Variants in SMC2 observed in about 807,000 individuals in gnomAD.
SMC2 encodes structural maintenance of chromosomes protein 2.
A neutral mutation model predicts 142.6 loss-of-function variants in SMC2; 41 were observed. That is an observed-to-expected ratio of 0.29 (90% CI 0.22 to 0.37). SMC2 has a LOEUF of 0.37. Among genes scored for constraint, SMC2 ranks in the 10% least tolerant of loss-of-function variants. SMC2 has a pLI of 1.00. For synonymous variants in SMC2, 463 were observed against 457.5 expected, an observed-to-expected ratio of 1.01 and a Z score of -0.15; for missense variants, 1,265 against 1,373.7, an observed-to-expected ratio of 0.92 and a Z score of 1.25.
chr9:104,101,579 G>T lies in SMC2; in HGVS notation c.637-381G>T, dbSNP rs115954010. 3.7e-3 allele frequency among the ~76,000 whole-genome samples: 564 copies of T among 152,182 alleles called. 4 individuals carry two copies. Among genetic ancestry groups the T allele is most frequent in the African/African-American group, 0.012 (510 of 41,544 alleles). The stretch of plus-strand genomic sequence containing the variant: ...CCTTATGGGAGTCGTGTTTAGTAAT[G>T]ATGTAAGCGAGTGCTTGTAGTAGTG... On this transcript the variant is annotated intron_variant, in intron 7 of 24. Coordinates refer to ENST00000374793, the MANE Select transcript of SMC2 (RefSeq NM_006444.3).
chr9:104,094,340 A>G lies in SMC2; in HGVS notation c.-199A>G. On this transcript the variant is annotated 5_prime_UTR_variant, in exon 1 of 25. Coordinates refer to ENST00000374793, the MANE Select transcript of SMC2 (RefSeq NM_006444.3). Reference sequence around the variant, plus strand: ...ATAAATAGTTCCGGCGCGGGTGTTGAGAGCGGTGTGGCAGGTGTTGTAGCC... The same window carrying G: ...ATAAATAGTTCCGGCGCGGGTGTTGGGAGCGGTGTGGCAGGTGTTGTAGCC... 1 of 398,762 alleles carries G rather than the reference A, an allele frequency of 2.5e-6. No homozygotes were observed. Among genetic ancestry groups the G allele is most frequent in the Non-Finnish European group, 4.4e-6 (1 of 226,204 alleles). The allele number at this position is 398,762 out of a possible 1,614,324, so 24.7% of individuals were successfully genotyped here. A position where few individuals can be genotyped will look rare whatever the true frequency, so the allele number is the denominator to read the frequency against.
chr9:104,113,797 T>G (rs1289897719), intron 11 of SMC2, among the ~76,000 whole-genome samples, 167 bp from the exon 12 acceptor site: 1 of 152,172 alleles, frequency 6.6e-6, no homozygotes, highest in Admixed American at 6.5e-5. Flanking sequence ...GGAAATAATG[T>G]CTGTTTGACA....
intron 9 of SMC2, 145 bp downstream of exon 9, chr9:104,102,718 A>T: frequency 1.4e-6 from 1 of 727,970 alleles, no homozygotes; most frequent in Non-Finnish European, 2.1e-6. Context: ...AACTGGACCA[A>T]ATGGTCAAAA....
chr9:104,126,318 GTT>G (rs1416668801), intron 18 of SMC2, among the ~76,000 whole-genome samples: 1 of 151,956 alleles, frequency 6.6e-6, no homozygotes, highest in Non-Finnish European at 1.5e-5. Flanking sequence ...GAACAATTTT[GTT>G]TTTAAAAAAG....
At chr9:104,131,874 G>T (rs1251159286) in intron 21 of SMC2, 135 bp from the exon 22 acceptor site, 6 of 568,564 alleles carry the variant, frequency 1.1e-5, no homozygotes, top group African/African-American at 5.7e-5. Context: ...AATTCTTAGT[G>T]CATTATATCT....
chr9:104,105,832 A>G (rs1831701781), intron 9 of SMC2, among the ~76,000 whole-genome samples: 2 of 152,180 alleles, frequency 1.3e-5, no homozygotes, highest in Admixed American at 1.3e-4. Flanking sequence ...TGGATGTCAT[A>G]TCTAACATCT....
At chr9:104,106,887 A>G (rs547148028) in intron 9 of SMC2, among the ~76,000 whole-genome samples, 293 of 150,482 alleles carry the variant, frequency 1.9e-3, no homozygotes, top group African/African-American at 7.0e-3. Context: ...CAGTCAAAAG[A>G]TGACCACTTA....
At chr9:104,097,867 T>C (rs1830633480) in intron 3 of SMC2, among the ~76,000 whole-genome samples, 1 of 152,226 alleles carries the variant, frequency 6.6e-6, no homozygotes, top group Non-Finnish European at 1.5e-5. Flanking sequence ...AGCTTGTCTT[T>C]AAGGACTTCA....
At chr9:104,092,410 C>T (rs537575595), upstream of SMC2, 1 of 152,108 alleles carries the variant, frequency 6.6e-6, no homozygotes, top group African/African-American at 2.4e-5. Flanking sequence ...TATTTCCATA[C>T]CAAAAAATCA....
At chr9:104,093,642 T>C (rs1830136258), upstream of SMC2, among the ~76,000 whole-genome samples, 1 of 152,266 alleles carries the variant, frequency 6.6e-6, no homozygotes, top group East Asian at 1.9e-4. Flanking sequence ...ATAAGGGAGA[T>C]GAATAGCTAT....
At chr9:104,096,004 T>C in intron 2 of SMC2, 144 bp from the exon 3 acceptor site, 1 of 664,914 alleles carries the variant, frequency 1.5e-6, no homozygotes, top group Non-Finnish European at 2.5e-6. Flanking sequence ...CTTGTTTTTC[T>C]TGCCAGAGGA....
chr9:104,111,453 A>T, intron 9 of SMC2, 128 bp from the exon 10 acceptor site: 1 of 596,126 alleles, frequency 1.7e-6, no homozygotes, highest in Non-Finnish European at 3.0e-6. Flanking sequence ...TAAAGTTATG[A>T]TGGTTAAATT....
At position 104,140,967 on chromosome 9, in the gene SMC2, T is replaced by C. The variant is rs144251672; in HGVS notation, c.*1652T>C. ...CTCATTTCCTTTTCTCTGCTAAAAA[T>C]GTTTTGCTTGTGTGCGTTCCTGATT... On this transcript the variant is annotated 3_prime_UTR_variant, in exon 25 of 25. Coordinates refer to ENST00000374793, the MANE Select transcript of SMC2 (RefSeq NM_006444.3). 129 of 152,358 alleles carry C rather than the reference T, an allele frequency of 8.5e-4. No individual in the cohort carries two copies. Among genetic ancestry groups the C allele is most frequent in the African/African-American group, 3.1e-3 (127 of 41,588 alleles). 9.4% of individuals were successfully genotyped at this position (152,358 alleles called of 1,614,324 possible). A position where few individuals can be genotyped will look rare whatever the true frequency, so the allele number is the denominator to read the frequency against.
At chr9:104,133,616 T>C (rs1835216044) in intron 22 of SMC2, among the ~76,000 whole-genome samples, 1 of 152,148 alleles carries the variant, frequency 6.6e-6, no homozygotes, top group African/African-American at 2.4e-5. Flanking sequence ...CTAAGAATAT[T>C]AGTCATGTCT....
At chr9:104,108,690 T>C (rs999514904) in intron 9 of SMC2, among the ~76,000 whole-genome samples, 1 of 152,204 alleles carries the variant, frequency 6.6e-6, no homozygotes, top group African/African-American at 2.4e-5. Context: ...AACCTGTCAG[T>C]GTTAATAGAA....
intron 16 of SMC2, among the ~76,000 whole-genome samples, chr9:104,122,254 A>G (rs1234616881): frequency 6.6e-6 from 1 of 152,194 alleles, no homozygotes; most frequent in African/African-American, 2.4e-5. Context: ...CACTGAGGTC[A>G]AGGAAGGAAA....
chr9:104,132,876 G>T, intron 22 of SMC2, among the ~76,000 whole-genome samples: 1 of 150,068 alleles, frequency 6.7e-6, no homozygotes, highest in African/African-American at 2.5e-5. Context: ...CAGGATTCGT[G>T]GACTTAGTAC....
At chr9:104,092,754 G>C (rs1830030305), upstream of SMC2, 2 of 152,174 alleles carry the variant, frequency 1.3e-5, no homozygotes, top group Admixed American at 6.5e-5. Flanking sequence ...CAAAATATAA[G>C]CCCATTCCTG....
intron 15 of SMC2, among the ~76,000 whole-genome samples, chr9:104,119,466 C>A (rs1833493790): frequency 6.6e-6 from 1 of 152,132 alleles, no homozygotes; most frequent in Non-Finnish European, 1.5e-5. Context: ...GCTTATTCTG[C>A]TTGCCGTGCT....
Sources: gnomAD v4.1 joint callset for allele counts (sites outside exome capture counted in the v4.1 genomes callset) on GRCh38, gnomAD v4.1.1 for gene constraint, MANE v1.5 for transcripts, NCBI Gene and HGNC (gene_info 2026-07-23, HGNC 2026-07-21) for gene names.